JPH4: variants seen among roughly 807,000 people sequenced by gnomAD.
JPH4 encodes junctophilin-4.
Under a neutral mutation model 57.6 loss-of-function variants are expected in JPH4, and 18 were observed. The observed-to-expected ratio is 0.31, with a 90% CI of 0.22 to 0.46. The LOEUF is 0.46. Ranked by LOEUF, JPH4 falls within the 20% of genes least tolerant of loss-of-function variation. The probability of loss-of-function intolerance (pLI) is 1.00; values close to 1 mark genes in which losing one functional copy is unlikely to be tolerated. For missense variants in JPH4, 727 were observed against 911.1 expected (o/e 0.80, Z 2.60); for synonymous variants, 425 against 406.6 (o/e 1.05, Z -0.54).
At chr14:23,573,391 C>T (rs1889199224) in intron 3 of JPH4, among the ~76,000 whole-genome samples, 1 of 152,186 alleles carries the variant, frequency 6.6e-6, no homozygotes, top group Admixed American at 6.5e-5. Context: ...TGCCTCTGGC[C>T]CTTCAGTGGG....
Position 23,568,243 on chromosome 14 carries a change from G to A in JPH4, c.*1391C>T, listed in dbSNP as rs1233526441. 2.0e-6 allele frequency: 2 copies of A among 985,698 alleles called. No homozygotes were observed. Among genetic ancestry groups the A allele is most frequent in the Non-Finnish European group, 2.4e-6 (2 of 829,916 alleles). 61.1% of individuals were successfully genotyped at this position (985,698 alleles called of 1,614,324 possible). A position where few individuals can be genotyped will look rare whatever the true frequency, so the allele number is the denominator to read the frequency against. On this transcript the variant is annotated 3_prime_UTR_variant, in exon 6 of 6. Coordinates refer to ENST00000356300, the MANE Select transcript of JPH4 (RefSeq NM_001146028.2). ...GAGTTTGACTAGAAAAAAAGAAGAG[G>A]GTATGTGTGGTGGGCATTCCTGGGC...
rs762516910 is a variant in JPH4 at position 23,577,485 on chromosome 14, C to T, written c.-32G>A. 2.9e-6 allele frequency: 4 copies of T among 1,389,066 alleles called. No individual in the cohort carries two copies. Among genetic ancestry groups the T allele is most frequent in the South Asian group, 1.6e-5 (1 of 61,648 alleles). The allele number at this position is 1,389,066 out of a possible 1,614,324, so 86.0% of individuals were successfully genotyped here. On this transcript the variant is annotated 5_prime_UTR_variant, in exon 2 of 6. Transcript: ENST00000356300. This position sits in a 1 kb window ranked among gnomAD's most constrained non-coding sequence, Gnocchi z 8.4. ...AGTTGGCGCGGCCTCAGCCCCCCGGCGGCTCAGCGCATCCTGGGACTGGAG... is the reference window on the plus strand; with the variant it reads ...AGTTGGCGCGGCCTCAGCCCCCCGGTGGCTCAGCGCATCCTGGGACTGGAG...
At position 23,568,080 on chromosome 14, in the gene JPH4, C is replaced by A; in HGVS notation, c.*1554G>T. 3 of 983,710 alleles carry A rather than the reference C, an allele frequency of 3.0e-6. No individual in the cohort carries two copies. The highest frequency in any genetic ancestry group is 3.6e-6 in the Non-Finnish European group (3 of 828,166). 60.9% of individuals were successfully genotyped at this position (983,710 alleles called of 1,614,324 possible). On this transcript the variant is annotated 3_prime_UTR_variant, in exon 6 of 6. Transcript: ENST00000356300. Reference sequence around the variant, plus strand: ...TTAATATATTTTTTTTGTTAAATTTCTTTGTATTTTTTTCCTGCAAGACTT... The same window carrying A: ...TTAATATATTTTTTTTGTTAAATTTATTTGTATTTTTTTCCTGCAAGACTT...
Position 23,571,817 on chromosome 14 carries a change from T to C in JPH4, c.1255A>G (p.Met419Val), listed in dbSNP as rs1312138601. 1.2e-6 allele frequency: 2 copies of C among 1,612,768 alleles called. No individual in the cohort carries two copies. The highest frequency in any genetic ancestry group is 1.7e-5 in the Admixed American group (1 of 60,010). ...AKLIAQDLQP[M>V]LEAPGRRPRQ... ...CATGCCTCACCTGGGGCCTCTAGCA[T>C]GGGCTGCAGGTCCTGGGCTATCAGT... Residue 419 changes from methionine (M) to valine (V), a missense_variant, in exon 4 of 6, where the codon ATG (methionine) becomes GTG (valine). Transcript: ENST00000356300. The surrounding 1 kb of genome is among the most constrained non-coding windows in gnomAD (Gnocchi z 4.6).
Position 23,569,829 on chromosome 14 carries a change from G to T in JPH4, c.1804-112C>A. On this transcript the variant is annotated intron_variant, in intron 5 of 5. Transcript: ENST00000356300. This position sits in a 1 kb window ranked among gnomAD's most constrained non-coding sequence, Gnocchi z 4.8. Reference sequence around the variant, plus strand: ...CTCAGGCACCTCCCTGCACAGCCTGGAGCAGGGGGATCGCCAACATTTGTT... The same window carrying T: ...CTCAGGCACCTCCCTGCACAGCCTGTAGCAGGGGGATCGCCAACATTTGTT... 1.5e-6 allele frequency: 1 copy of T among 656,910 alleles called. No individual in the cohort carries two copies. The highest frequency in any genetic ancestry group is 1.9e-5 in the South Asian group (1 of 51,402). 40.7% of individuals were successfully genotyped at this position (656,910 alleles called of 1,614,324 possible). A position where few individuals can be genotyped will look rare whatever the true frequency, so the allele number is the denominator to read the frequency against.
At chr14:23,572,802 C>G in intron 3 of JPH4, 1 of 695,122 alleles carries the variant, frequency 1.4e-6, no homozygotes, top group South Asian at 1.5e-5. Flanking sequence ...CTGGCTAAAC[C>G]CTTAGTCTCC....
At chr14:23,572,072 T>G in intron 3 of JPH4, 152 bp from the exon 4 acceptor site, 10 of 697,542 alleles carry the variant, frequency 1.4e-5, no homozygotes, top group South Asian at 1.8e-5. Context: ...TGCCAGCTGC[T>G]TCCCTTCCTG....
In JPH4 at chr14:23,577,552, G is replaced by T; in HGVS notation, c.-99C>A. ...TGGAGCCGGGCGAGGCCTCGGGGCG[G>T]GGGCAGTTAGACCGGGGCCGGGCGG... On this transcript the variant is annotated 5_prime_UTR_variant, in exon 2 of 6. Coordinates refer to ENST00000356300, the MANE Select transcript of JPH4 (RefSeq NM_001146028.2). The surrounding 1 kb of genome is among the most constrained non-coding windows in gnomAD (Gnocchi z 8.4). The T allele has an allele frequency of 9.2e-7, 1 of 1,091,290 alleles. No homozygotes were observed. The allele number at this position is 1,091,290 out of a possible 1,614,324, so 67.6% of individuals were successfully genotyped here.
Position 23,571,674 on chromosome 14 carries a change from G to A in JPH4, c.1270+128C>T, listed in dbSNP as rs770125258. 8 of 1,055,380 alleles carry A rather than the reference G, an allele frequency of 7.6e-6. No individual in the cohort carries two copies. The highest frequency in any genetic ancestry group is 1.1e-5 in the Non-Finnish European group (8 of 711,486). 65.4% of individuals were successfully genotyped at this position (1,055,380 alleles called of 1,614,324 possible). On this transcript the variant is annotated intron_variant, in intron 4 of 5. Coordinates refer to ENST00000356300, the MANE Select transcript of JPH4 (RefSeq NM_001146028.2). This position sits in a 1 kb window ranked among gnomAD's most constrained non-coding sequence, Gnocchi z 4.6. ...GTCTGGCCCCCACCCTGTGTTCCTT[G>A]CACCCTCATTCCTTGTTTTTTCCCA... is the stretch of plus-strand genomic sequence containing the variant.
intron 3 of JPH4, among the ~76,000 whole-genome samples, chr14:23,573,248 T>A (rs1168333810): frequency 6.6e-6 from 1 of 152,190 alleles, no homozygotes; most frequent in Non-Finnish European, 1.5e-5. Context: ...GGGTCAAAGA[T>A]CTTTAGAGCC....
intron 3 of JPH4, chr14:23,572,852 CAGGCAGCCTGGG>C: frequency 1.4e-6 from 1 of 702,522 alleles, no homozygotes; most frequent in East Asian, 2.7e-5. Context: ...TCCTTAGGTG[CAGGCAGCCTGGG>C]AGTCTGATCA....
chr14:23,568,336 A>G lies in JPH4; in HGVS notation c.*1298T>C, dbSNP rs1888880661. 1 of 985,676 alleles carries G rather than the reference A, an allele frequency of 1.0e-6. No individual in the cohort carries two copies. Among genetic ancestry groups the G allele is most frequent in the Admixed American group, 6.1e-5 (1 of 16,262 alleles). The allele number at this position is 985,676 out of a possible 1,614,324, so 61.1% of individuals were successfully genotyped here. A position where few individuals can be genotyped will look rare whatever the true frequency, so the allele number is the denominator to read the frequency against. ...CTGCCTCATGCAGGGGAGGGAGGAA[A>G]GATCCCCTGGGGACCCTGCAGTCCC... On this transcript the variant is annotated 3_prime_UTR_variant, in exon 6 of 6. Coordinates refer to ENST00000356300, the MANE Select transcript of JPH4 (RefSeq NM_001146028.2).
At chr14:23,570,830 T>A in intron 5 of JPH4, 98 bp downstream of exon 5, 1 of 1,220,506 alleles carries the variant, frequency 8.2e-7, no homozygotes, top group Non-Finnish European at 1.1e-6. Flanking sequence ...GGAAGCCGAG[T>A]GAGATAAAAA....
Position 23,575,688 on chromosome 14 carries a change from G to C in JPH4, c.1148C>G (p.Ala383Gly). 6.2e-7 allele frequency: 1 copy of C among 1,600,706 alleles called. No homozygotes were observed. Among genetic ancestry groups the C allele is most frequent in the Non-Finnish European group, 8.5e-7 (1 of 1,174,940 alleles). ...AARQRQEIAAARAADALLKAV... is the reference protein window; with the variant it reads ...AARQRQEIAAGRAADALLKAV... The stretch of plus-strand genomic sequence containing the variant: ...GGCCTCTGAACTGGACGCCCACCTG[G>C]CAGCGGCGATCTCCTGGCGCTGACG... Residue 383 changes from alanine (A) to glycine (G), a missense_variant, in exon 3 of 6, where the codon GCC becomes GGC. Physicochemically the swap from Ala to Gly is moderately conservative, Grantham distance 60. Around this residue, in one of 7 missense-constraint regions of JPH4, gnomAD observed 112 missense variants for 199.4 expected, o/e 0.56. Transcript: ENST00000356300. The surrounding 1 kb of genome is among the most constrained non-coding windows in gnomAD (Gnocchi z 6.9).
chr14:23,570,521 G>A (rs1054453837), intron 5 of JPH4, among the ~76,000 whole-genome samples: 11 of 151,962 alleles, frequency 7.2e-5, no homozygotes, highest in Non-Finnish European at 1.0e-4. Context: ...ACAGGCGCCC[G>A]CCACCACGCC....
Position 23,576,612 on chromosome 14 carries a change from G to A in JPH4, c.380-156C>T, listed in dbSNP as rs1388449504. On this transcript the variant is annotated intron_variant, in intron 2 of 5. Transcript: ENST00000356300. The surrounding 1 kb of genome is among the most constrained non-coding windows in gnomAD (Gnocchi z 8.0). ...GGAAGGGCACTGGGAGCCGGGAACAGGCCAGGCTGGGCCGGAAAGTGTGGG... is the reference window on the plus strand; with the variant it reads ...GGAAGGGCACTGGGAGCCGGGAACAAGCCAGGCTGGGCCGGAAAGTGTGGG... Among the ~76,000 whole-genome samples, 6 of 152,324 alleles carry A rather than the reference G, an allele frequency of 3.9e-5. No homozygotes were observed. Among genetic ancestry groups the A allele is most frequent in the Middle Eastern group, 3.4e-3 (1 of 294 alleles).
rs1037703541 is a variant in JPH4, at chr14:23,568,513, T to TC, written c.*1120dup. The TC allele has an allele frequency of 2.4e-5, 24 of 985,760 alleles. No homozygotes were observed. The Middle Eastern group carries it at 2.6e-3, about 107-fold the overall frequency. 61.1% of individuals were successfully genotyped at this position (985,760 alleles called of 1,614,324 possible). A position where few individuals can be genotyped will look rare whatever the true frequency, so the allele number is the denominator to read the frequency against. On this transcript the variant is annotated 3_prime_UTR_variant, in exon 6 of 6. Transcript: ENST00000356300. ...AGCATGTGAGATCAGCTATCTTTGATCCCCTCCTTCTGTTGTTTTCCCATT... is the reference window on the plus strand; with the variant it reads ...AGCATGTGAGATCAGCTATCTTTGATCCCCCTCCTTCTGTTGTTTTCCCATT...
At position 23,576,261 on chromosome 14, in the gene JPH4, C is replaced by T. The variant is rs1207572067; in HGVS notation, c.575G>A (p.Arg192Gln). ...DEGGSPASGS[R>Q]GGFVLAGPGD... is the part of the protein sequence containing the mutation. Reference sequence around the variant, plus strand: ...GGGCCCGGCCAGCACGAAGCCGCCCCGGGAGCCCGAGGCGGGGCTGCCTCC... The same window carrying T: ...GGGCCCGGCCAGCACGAAGCCGCCCTGGGAGCCCGAGGCGGGGCTGCCTCC... The change falls in exon 3 of 6, where the codon CGG (arginine) becomes CAG (glutamine). Residue 192 changes from arginine (R) to glutamine (Q), a missense_variant. Around this residue, in one of 7 missense-constraint regions of JPH4, gnomAD observed 131 missense variants for 156.5 expected, o/e 0.84. Transcript: ENST00000356300. This position sits in a 1 kb window ranked among gnomAD's most constrained non-coding sequence, Gnocchi z 8.0. 7.9e-7 allele frequency: 1 copy of T among 1,269,178 alleles called. No individual in the cohort carries two copies. The highest frequency in any genetic ancestry group is 9.9e-7 in the Non-Finnish European group (1 of 1,009,350). The allele number at this position is 1,269,178 out of a possible 1,614,324, so 78.6% of individuals were successfully genotyped here.
chr14:23,568,355 C>T lies in JPH4; in HGVS notation c.*1279G>A. The T allele has an allele frequency of 3.0e-6, 3 of 985,816 alleles. No homozygotes were observed. The South Asian group carries it at 1.4e-4, about 46-fold the overall frequency. 61.1% of individuals were successfully genotyped at this position (985,816 alleles called of 1,614,324 possible). A position where few individuals can be genotyped will look rare whatever the true frequency, so the allele number is the denominator to read the frequency against. On this transcript the variant is annotated 3_prime_UTR_variant, in exon 6 of 6. Coordinates refer to ENST00000356300, the MANE Select transcript of JPH4 (RefSeq NM_001146028.2). The stretch of plus-strand genomic sequence containing the variant: ...GAGGAAAGATCCCCTGGGGACCCTG[C>T]AGTCCCCTCTTCCTAGGGCTTCCTG...
Sources: gnomAD v4.1 joint callset for allele counts (sites outside exome capture counted in the v4.1 genomes callset) on GRCh38, gnomAD v4.1.1 for gene constraint, gnomAD v4.1.1 regional missense constraint, Gnocchi (gnomAD v3.1) non-coding constraint, MANE v1.5 for transcripts, NCBI Gene and HGNC (gene_info 2026-07-23, HGNC 2026-07-21) for gene names.